Variants in ILRUN observed in about 807,000 individuals in gnomAD.
The protein encoded by ILRUN is inflammation and lipid regulator with UBA-like and NBR1-like domains.
A neutral mutation model predicts 33.8 loss-of-function variants in ILRUN; 3 were observed. The ratio of observed to expected loss-of-function variants is 0.09; its 90% CI spans 0.04 to 0.23. ILRUN has a LOEUF of 0.23. ILRUN is among the 10% of genes least tolerant of loss of function. The pLI, the probability that ILRUN is intolerant of heterozygous loss-of-function variation, is 1.00. For missense variants in ILRUN, 210 were observed against 375.1 expected, an observed-to-expected ratio of 0.56 and a Z score of 3.64; for synonymous variants, 124 against 138.9, an observed-to-expected ratio of 0.89 and a Z score of 0.75.
chr6:34,681,580 T>C (rs1415849680), intron 1 of ILRUN, among the ~76,000 whole-genome samples: 4 of 152,224 alleles, frequency 2.6e-5, no homozygotes, highest in South Asian at 2.1e-4. Context: ...TCTGCCAACA[T>C]AGCAAGACCC....
At chr6:34,674,258 C>G (rs1763182373) in intron 1 of ILRUN, among the ~76,000 whole-genome samples, 1 of 152,154 alleles carries the variant, frequency 6.6e-6, no homozygotes, top group Admixed American at 6.5e-5. Flanking sequence ...AACTCCTGAC[C>G]TCAGGTGATT....
chr6:34,689,552 G>C (rs1261438430), intron 1 of ILRUN, among the ~76,000 whole-genome samples: 1 of 151,728 alleles, frequency 6.6e-6, no homozygotes, highest in Non-Finnish European at 1.5e-5. Context: ...ATTTATTTAA[G>C]GAAACCAATA....
intron 1 of ILRUN, among the ~76,000 whole-genome samples, chr6:34,655,341 T>C (rs1762747661): frequency 6.6e-6 from 1 of 152,192 alleles, no homozygotes; most frequent in Non-Finnish European, 1.5e-5. Context: ...TGTTCTCTTT[T>C]TTCCTCAACA....
At chr6:34,668,636 T>C (rs190165822) in intron 1 of ILRUN, among the ~76,000 whole-genome samples, 35 of 152,286 alleles carry the variant, frequency 2.3e-4, no homozygotes, top group African/African-American at 8.4e-4. Flanking sequence ...CTCAGCCTTA[T>C]CCAAGACGCC....
intron 4 of ILRUN, 128 bp downstream of exon 4, chr6:34,606,427 G>A (rs1761630713): frequency 4.5e-6 from 3 of 667,804 alleles, no homozygotes; most frequent in Admixed American, 5.9e-5. Context: ...GCTATTGGCA[G>A]GAGAGCTGAG....
Position 34,687,708 on chromosome 6 carries a change from A to AT in ILRUN, c.158+8737_158+8738insA, listed in dbSNP as rs1470309318. ...GCAAGACTCCATCTCCAAAAAAAAA[A>AT]ATATATATATATATATATTTATAAA... On this transcript the variant is annotated intron_variant, in intron 1 of 4. Transcript: ENST00000374023. 7.4e-3 allele frequency among the ~76,000 whole-genome samples: 1,067 copies of AT among 143,258 alleles called. 8 individuals are homozygous for AT. Among genetic ancestry groups the AT allele is most frequent in the Middle Eastern group, 0.021 (6 of 280 alleles). 94.0% of individuals were successfully genotyped at this position (143,258 alleles called of 152,430 possible).
At chr6:34,610,170 A>T (rs1377133834) in intron 3 of ILRUN, among the ~76,000 whole-genome samples, 2 of 151,944 alleles carry the variant, frequency 1.3e-5, no homozygotes, top group Non-Finnish European at 1.5e-5. Flanking sequence ...CAAAAAAAAA[A>T]AGAAAAAGAA....
intron 1 of ILRUN, among the ~76,000 whole-genome samples, chr6:34,690,021 T>C (rs1271421548): frequency 6.6e-6 from 1 of 152,114 alleles, no homozygotes; most frequent in East Asian, 1.9e-4. Flanking sequence ...AAAGATATTT[T>C]ATCTACTGCT....
rs967513322 is a variant in ILRUN at position 34,592,653 on chromosome 6, G to T, written c.862-2053C>A. ...TGGGATTACAGGCATGAGCCACTGCGCCTGGCCTTTGCCATTACTTTTAAT... is the reference window on the plus strand; with the variant it reads ...TGGGATTACAGGCATGAGCCACTGCTCCTGGCCTTTGCCATTACTTTTAAT... On this transcript the variant is annotated intron_variant, in intron 4 of 4. Coordinates refer to ENST00000374023, the MANE Select transcript of ILRUN (RefSeq NM_024294.4). The surrounding 1 kb of genome is among the most constrained non-coding windows in gnomAD (Gnocchi z 4.0). Among the ~76,000 whole-genome samples, 1 of 152,092 alleles carries T rather than the reference G, an allele frequency of 6.6e-6. No individual in the cohort carries two copies. Among genetic ancestry groups the T allele is most frequent in the African/African-American group, 2.4e-5 (1 of 41,480 alleles).
intron 1 of ILRUN, among the ~76,000 whole-genome samples, chr6:34,680,179 T>C (rs974625589): frequency 2.0e-4 from 30 of 152,354 alleles, no homozygotes; most frequent in African/African-American, 7.0e-4. Context: ...AAGCCTCTTT[T>C]CCTTTTGTAA....
chr6:34,689,628 A>G (rs907824913), intron 1 of ILRUN, among the ~76,000 whole-genome samples: 1 of 152,074 alleles, frequency 6.6e-6, no homozygotes, highest in Non-Finnish European at 1.5e-5. Flanking sequence ...AAACCACAGC[A>G]TAGATGAGAA....
intron 3 of ILRUN, among the ~76,000 whole-genome samples, chr6:34,630,367 G>A (rs1762219139): frequency 6.6e-6 from 1 of 152,154 alleles, no homozygotes; most frequent in African/African-American, 2.4e-5. Context: ...GTGATGGGGA[G>A]GCTACTGTAT....
intron 3 of ILRUN, chr6:34,616,550 G>A (rs111864140): frequency 3.0e-5 from 40 of 1,352,156 alleles, no homozygotes; most frequent in East Asian, 1.4e-4. Flanking sequence ...GGAGGGTGTC[G>A]AAGAGAAGAA....
intron 1 of ILRUN, among the ~76,000 whole-genome samples, chr6:34,657,671 G>C (rs1012456998): frequency 6.6e-6 from 1 of 152,118 alleles, no homozygotes; most frequent in Non-Finnish European, 1.5e-5. Flanking sequence ...CCATCAAGCA[G>C]GTACACAGCT....
intron 1 of ILRUN, among the ~76,000 whole-genome samples, chr6:34,658,924 T>C (rs1334186586): frequency 6.6e-6 from 1 of 152,236 alleles, no homozygotes; most frequent in African/African-American, 2.4e-5. Flanking sequence ...GAGTTGATAC[T>C]ACCTATCTCA....
chr6:34,685,317 ATTT>A (rs1230552261), intron 1 of ILRUN: 1 of 151,986 alleles, frequency 6.6e-6, no homozygotes, highest in East Asian at 2.0e-4. Flanking sequence ...ACCTTTTATT[ATTT>A]TTATTTTTTA....
At chr6:34,634,006 T>C (rs1762303788) in intron 3 of ILRUN, among the ~76,000 whole-genome samples, 1 of 151,754 alleles carries the variant, frequency 6.6e-6, no homozygotes, top group Non-Finnish European at 1.5e-5. Context: ...ATGCCTGTAA[T>C]CCTAGCACTT....
At chr6:34,683,869 C>T (rs1216128341) in intron 1 of ILRUN, among the ~76,000 whole-genome samples, 1 of 152,010 alleles carries the variant, frequency 6.6e-6, no homozygotes, top group Non-Finnish European at 1.5e-5. Flanking sequence ...TTGAGACCAG[C>T]CTGGGCAACA....
intron 3 of ILRUN, among the ~76,000 whole-genome samples, chr6:34,636,682 CCTCTACA>C (rs752859397): frequency 1.3e-5 from 2 of 151,988 alleles, no homozygotes; most frequent in African/African-American, 2.4e-5. Context: ...GTTTAAAAGC[CCTCTACA>C]CTGTTTAAGA....
Sources: gnomAD v4.1 joint callset for allele counts (sites outside exome capture counted in the v4.1 genomes callset) on GRCh38, gnomAD v4.1.1 for gene constraint, Gnocchi (gnomAD v3.1) non-coding constraint, MANE v1.5 for transcripts, NCBI Gene and HGNC (gene_info 2026-07-23, HGNC 2026-07-21) for gene names.